Variants in SNX29 observed in about 807,000 individuals in gnomAD.
The protein encoded by SNX29 is sorting nexin 29, also known as sorting nexin-29.
SNX29 carries 78 observed loss-of-function variants against 102.1 expected under a neutral mutation model. That is an observed-to-expected ratio of 0.76 (90% CI 0.64 to 0.92). The LOEUF (loss-of-function observed/expected upper bound fraction) is 0.92, where lower values mean the gene tolerates loss of function less well. Ranked by LOEUF, SNX29 falls within the 40% of genes least tolerant of loss-of-function variation. The probability of loss-of-function intolerance (pLI) is 0.00; values close to 1 mark genes in which losing one functional copy is unlikely to be tolerated. For synonymous variants in SNX29, 580 were observed against 414.5 expected (o/e 1.40, Z -4.85); for missense variants, 1,280 against 1,061.7 (o/e 1.21, Z -2.86).
At position 12,024,240 on chromosome 16, in the gene SNX29, G is replaced by C. The variant is rs140065705; in HGVS notation, c.123-3080G>C. ...GGCAACCTCCGCCTCCCGGATTCATGTGATGCTCCTGCCTCAGCCTCCAGA... is the reference window on the plus strand; with the variant it reads ...GGCAACCTCCGCCTCCCGGATTCATCTGATGCTCCTGCCTCAGCCTCCAGA... On this transcript the variant is annotated intron_variant, in intron 3 of 20. Transcript: ENST00000566228. Among the ~76,000 whole-genome samples, 425 of 151,714 alleles carry C rather than the reference G, an allele frequency of 2.8e-3. 10 individuals are homozygous for C. The East Asian group carries it at 0.059, about 21-fold the overall frequency.
rs75321034 is a variant in SNX29, at chr16:12,571,514, C to A, written c.*2885C>A. The A allele has an allele frequency of 4.9e-3, 3,304 of 673,918 alleles. 208 individuals are homozygous for A. In the Admixed American group the frequency reaches 0.11, roughly 23 times the overall value. 41.7% of individuals were successfully genotyped at this position (673,918 alleles called of 1,614,324 possible). On this transcript the variant is annotated 3_prime_UTR_variant, in exon 21 of 21. Transcript: ENST00000566228. The stretch of plus-strand genomic sequence containing the variant: ...CGAGGGTGGCCCACCTCTCAAGGGC[C>A]TTGGATTCCTGGGACCACCCTTTGC...
intron 16 of SNX29, among the ~76,000 whole-genome samples, chr16:12,395,195 C>T (rs949430693): frequency 6.6e-6 from 1 of 152,086 alleles, no homozygotes; most frequent in African/African-American, 2.4e-5. Context: ...TAGTGTCTTC[C>T]CAGGTTTGAG....
At chr16:12,111,731 G>C (rs1395474875) in intron 11 of SNX29, among the ~76,000 whole-genome samples, 1 of 152,210 alleles carries the variant, frequency 6.6e-6, no homozygotes, top group Non-Finnish European at 1.5e-5. Context: ...GGAGGCATGA[G>C]AGTCATTTCA....
intron 17 of SNX29, among the ~76,000 whole-genome samples, chr16:12,403,206 G>C (rs1968185): frequency 9.3e-6 from 1 of 107,230 alleles, no homozygotes; most frequent in Non-Finnish European, 1.8e-5. Flanking sequence ...GTGTGTATGT[G>C]TGTGTGTGTG....
intron 13 of SNX29, among the ~76,000 whole-genome samples, chr16:12,160,367 A>G (rs996436208): frequency 5.3e-5 from 8 of 152,260 alleles, no homozygotes; most frequent in Non-Finnish European, 8.8e-5. Flanking sequence ...CCTTGGTTAC[A>G]TAGCAGAGAG....
chr16:12,549,753 A>T (rs1440550205), intron 20 of SNX29, among the ~76,000 whole-genome samples: 1 of 152,196 alleles, frequency 6.6e-6, no homozygotes, highest in East Asian at 1.9e-4. Context: ...TTACTTTGAG[A>T]CCTGTTGGTG....
rs55895030 is a variant in SNX29 at position 12,366,042 on chromosome 16, CAAAAAAAAAAAAAAAAAAA to C, written c.1899+9773_1899+9791del. Among the ~76,000 whole-genome samples the C allele has an allele frequency of 1.2e-3, 84 of 72,446 alleles. 1 individual carries two copies. Among genetic ancestry groups the C allele is most frequent in the African/African-American group, 3.3e-3 (74 of 22,508 alleles). 47.5% of individuals were successfully genotyped at this position (72,446 alleles called of 152,430 possible). ...GGGCGTCAGAGTGAGACTCTTGTCT[CAAAAAAAAAAAAAAAAAAA>C]AAAAAAAAATCAGAACAATGATTGA... On this transcript the variant is annotated intron_variant, in intron 16 of 20. Transcript: ENST00000566228.
intron 20 of SNX29, among the ~76,000 whole-genome samples, chr16:12,560,036 T>C (rs1567201185): frequency 6.6e-6 from 1 of 152,002 alleles, no homozygotes; most frequent in East Asian, 1.9e-4. Flanking sequence ...GTATGACAAA[T>C]ACACAAAGAA....
At chr16:12,109,120 G>A (rs762315638) in intron 11 of SNX29, among the ~76,000 whole-genome samples, 4 of 117,578 alleles carry the variant, frequency 3.4e-5, no homozygotes, top group Non-Finnish European at 5.0e-5. Context: ...AGAGTGAGGC[G>A]CTGTCTCAAA....
At chr16:12,564,958 C>T (rs189323714) in intron 20 of SNX29, among the ~76,000 whole-genome samples, 5 of 148,682 alleles carry the variant, frequency 3.4e-5, no homozygotes, top group South Asian at 4.3e-4. Flanking sequence ...AAAAGGCTGT[C>T]ATTGTAAATG....
Position 12,568,719 on chromosome 16 carries a change from A to G in SNX29, c.*90A>G, listed in dbSNP as rs2079118128. 12 of 1,522,910 alleles carry G rather than the reference A, an allele frequency of 7.9e-6. No homozygotes were observed. The highest frequency in any genetic ancestry group is 1.8e-6 in the Non-Finnish European group (2 of 1,137,470). The allele number at this position is 1,522,910 out of a possible 1,614,324, so 94.3% of individuals were successfully genotyped here. On this transcript the variant is annotated 3_prime_UTR_variant, in exon 21 of 21. Coordinates refer to ENST00000566228, the MANE Select transcript of SNX29 (RefSeq NM_032167.5). ...CGCTGGCCCCTCACCTCAGCGTGAC[A>G]ACCACGTCCACCTGGTGATCCTGAG...
At chr16:12,558,511 C>G (rs2078515521) in intron 20 of SNX29, among the ~76,000 whole-genome samples, 1 of 152,250 alleles carries the variant, frequency 6.6e-6, no homozygotes, top group Non-Finnish European at 1.5e-5. Context: ...TTAATGAGCA[C>G]TGTTTACCCC....
Position 12,356,190 on chromosome 16 carries a change from G to T in SNX29, c.1810G>T (p.Glu604Ter). The T allele has an allele frequency of 6.2e-7, 1 of 1,613,266 alleles. No individual in the cohort carries two copies. Among genetic ancestry groups the T allele is most frequent in the South Asian group, 1.1e-5 (1 of 90,834 alleles). The change falls in exon 16 of 21, where the codon GAG (glutamate) becomes TAG (stop). Residue 604 changes from glutamate (E) to a stop codon, truncating the protein, a stop_gained. Coordinates refer to ENST00000566228, the MANE Select transcript of SNX29 (RefSeq NM_032167.5). LOFTEE classifies it high-confidence loss of function. ...GGCAGAGATGCATGGCGAGCTGATT[G>T]AGTTCAACGAGCGCCTGCACAGGGC... ...EVAEMHGELI[E>*]FNERLHRALV... is the part of the protein sequence containing the mutation.
At chr16:12,554,842 G>A (rs77295051) in intron 20 of SNX29, among the ~76,000 whole-genome samples, 2,290 of 152,200 alleles carry the variant, frequency 0.015, 55 homozygotes, top group African/African-American at 0.052. Context: ...TCTTTCCGTA[G>A]GTGCCAGGGT....
chr16:12,559,874 G>C (rs756063623), intron 20 of SNX29, among the ~76,000 whole-genome samples: 10 of 152,146 alleles, frequency 6.6e-5, no homozygotes, highest in Admixed American at 2.0e-4. Flanking sequence ...CCAGATTTCA[G>C]AGGCTGAGGC....
chr16:12,555,731 T>C (rs1027642079), intron 20 of SNX29, among the ~76,000 whole-genome samples: 3 of 152,002 alleles, frequency 2.0e-5, no homozygotes, highest in Non-Finnish European at 4.4e-5. Flanking sequence ...CTTTCACTTT[T>C]CCTTCCACCT....
intron 18 of SNX29, among the ~76,000 whole-genome samples, chr16:12,417,709 T>C (rs551968226): frequency 2.8e-4 from 43 of 151,410 alleles, no homozygotes; most frequent in Admixed American, 2.5e-3. Flanking sequence ...CTCTTCTCTT[T>C]CCTCTCTTCT....
rs73510284 is a variant in SNX29 at position 12,560,842 on chromosome 16, G to A, written c.2319-7664G>A. The A allele has an allele frequency of 9.2e-3, 1,684 of 182,302 alleles. 22 individuals carry two copies. Among genetic ancestry groups the A allele is most frequent in the African/African-American group, 0.038 (1,599 of 42,606 alleles). The allele number at this position is 182,302 out of a possible 1,614,324, so 11.3% of individuals were successfully genotyped here. A position where few individuals can be genotyped will look rare whatever the true frequency, so the allele number is the denominator to read the frequency against. On this transcript the variant is annotated intron_variant, in intron 20 of 20. Coordinates refer to ENST00000566228, the MANE Select transcript of SNX29 (RefSeq NM_032167.5). The stretch of plus-strand genomic sequence containing the variant: ...CACCCATTTCACATGGCCGGCTTAA[G>A]GATGTTATGAGAATTGGTGTTAGTC...
At chr16:12,485,133 G>A (rs1445157326) in intron 19 of SNX29, among the ~76,000 whole-genome samples, 2 of 152,212 alleles carry the variant, frequency 1.3e-5, no homozygotes, top group Non-Finnish European at 2.9e-5. Flanking sequence ...GACTCGGGAG[G>A]TTGTTCTCAC....
Sources: allele counts gnomAD v4.1 joint callset (sites outside exome capture counted in the v4.1 genomes callset), GRCh38; gene constraint gnomAD v4.1.1; transcripts MANE v1.5; gene names NCBI Gene and HGNC (gene_info 2026-07-23, HGNC 2026-07-21).